NFIB: variants seen among roughly 807,000 people sequenced by gnomAD.
NFIB encodes nuclear factor I B.
In NFIB, 11 loss-of-function variants were observed where a neutral mutation model predicts 61.5. The ratio of observed to expected loss-of-function variants is 0.18; its 90% CI spans 0.11 to 0.30. The LOEUF (loss-of-function observed/expected upper bound fraction) is 0.30. NFIB is among the 10% of genes least tolerant of loss of function. NFIB has a pLI of 1.00. For missense variants in NFIB, 471 were observed against 608.9 expected (o/e 0.77, Z 2.38); for synonymous variants, 260 against 216.5 (o/e 1.20, Z -1.76).
At chr9:14,531,656 T>A in the NFIB span, among the ~76,000 whole-genome samples, 2 of 149,112 alleles carry the variant, frequency 1.3e-5, no homozygotes, top group African/African-American at 5.0e-5. Context: ...GCAGCCGGCC[T>A]GGGACCGACT....
chr9:14,162,172 G>T (rs1587177623), intron 3 of NFIB, among the ~76,000 whole-genome samples: 2 of 151,950 alleles, frequency 1.3e-5, no homozygotes, highest in African/African-American at 4.8e-5. Flanking sequence ...GTGCTAGCAG[G>T]AAATTTTTTT....
chr9:14,277,202 G>C (rs575101010), intron 2 of NFIB, among the ~76,000 whole-genome samples: 1 of 152,214 alleles, frequency 6.6e-6, no homozygotes, highest in Admixed American at 6.5e-5. Flanking sequence ...CTTATCTTTT[G>C]CTTTCTACAA....
At chr9:14,285,020 C>T (rs2058619505) in intron 2 of NFIB, among the ~76,000 whole-genome samples, 1 of 152,150 alleles carries the variant, frequency 6.6e-6, no homozygotes, top group South Asian at 2.1e-4. Flanking sequence ...AGAAAGACTG[C>T]TTAGTTTAAA....
chr9:14,440,818 T>C, the NFIB span, among the ~76,000 whole-genome samples: 3 of 152,216 alleles, frequency 2.0e-5, no homozygotes, highest in Non-Finnish European at 1.5e-5. Flanking sequence ...GGAACATTCA[T>C]TTATCCCCCT....
intron 7 of NFIB, among the ~76,000 whole-genome samples, chr9:14,125,052 T>C (rs557819981): frequency 1.3e-5 from 2 of 152,222 alleles, no homozygotes; most frequent in Non-Finnish European, 2.9e-5. Context: ...ATAATGAAGA[T>C]AGCTATGTAC....
chr9:14,526,252 A>C, the NFIB span, among the ~76,000 whole-genome samples: 15 of 152,316 alleles, frequency 9.8e-5, no homozygotes, highest in African/African-American at 2.4e-4. Flanking sequence ...GGGTAAAATT[A>C]ATGTTAGAAC....
the NFIB span, among the ~76,000 whole-genome samples, chr9:14,480,910 T>C: frequency 3.3e-5 from 5 of 152,028 alleles, no homozygotes; most frequent in African/African-American, 7.2e-5. Context: ...ACAAAAGAAG[T>C]TGAAAAATTT....
chr9:14,503,136 GTGTA>G, the NFIB span, among the ~76,000 whole-genome samples: 11 of 150,732 alleles, frequency 7.3e-5, no homozygotes, highest in East Asian at 3.9e-4. Flanking sequence ...GTGTGTGTGT[GTGTA>G]TATATATAAA....
the NFIB span, among the ~76,000 whole-genome samples, chr9:14,435,567 G>C: frequency 6.6e-6 from 1 of 152,152 alleles, no homozygotes; most frequent in Non-Finnish European, 1.5e-5. Flanking sequence ...CCTAAAATAG[G>C]TCTGTCACAT....
At chr9:14,216,440 C>T (rs1236986239) in intron 2 of NFIB, among the ~76,000 whole-genome samples, 1 of 151,862 alleles carries the variant, frequency 6.6e-6, no homozygotes, top group Non-Finnish European at 1.5e-5. Flanking sequence ...GGCAAGTGGG[C>T]TCTGCCAAGG....
chr9:14,138,072 G>C (rs1054323405), intron 6 of NFIB, among the ~76,000 whole-genome samples: 2 of 152,146 alleles, frequency 1.3e-5, no homozygotes, highest in Non-Finnish European at 2.9e-5. Flanking sequence ...TTCAGCAAGA[G>C]AGCCAGGGGT....
At chr9:14,129,021 T>C (rs2040057717) in intron 6 of NFIB, among the ~76,000 whole-genome samples, 1 of 152,208 alleles carries the variant, frequency 6.6e-6, no homozygotes, top group African/African-American at 2.4e-5. Flanking sequence ...CATTTATTTT[T>C]TCAATTCTTT....
chr9:14,258,060 T>C (rs2056397205), intron 2 of NFIB, among the ~76,000 whole-genome samples: 2 of 152,312 alleles, frequency 1.3e-5, no homozygotes, highest in South Asian at 2.1e-4. Flanking sequence ...TGGTCAAACA[T>C]TGAGTGTTCT....
At chr9:14,230,134 T>A (rs1389266640) in intron 2 of NFIB, among the ~76,000 whole-genome samples, 1 of 152,200 alleles carries the variant, frequency 6.6e-6, no homozygotes, top group East Asian at 1.9e-4. Context: ...TTAGTGGTAT[T>A]TTTAAGACAG....
chr9:14,322,096 A>T (rs1173663891), intron 1 of NFIB: 1 of 545,516 alleles, frequency 1.8e-6, no homozygotes, highest in Non-Finnish European at 2.5e-6. Flanking sequence ...AAAAAAAAAA[A>T]AAAAAAGCAA....
At chr9:14,429,632 A>C in the NFIB span, among the ~76,000 whole-genome samples, 1 of 152,180 alleles carries the variant, frequency 6.6e-6, no homozygotes, top group African/African-American at 2.4e-5. Flanking sequence ...GATCCTGTGG[A>C]TGAAATTGCA....
chr9:14,369,656 G>A (rs930585956), intron 1 of NFIB, among the ~76,000 whole-genome samples: 4 of 152,136 alleles, frequency 2.6e-5, no homozygotes, highest in African/African-American at 7.2e-5. Context: ...ACTCAAGTTA[G>A]AGATTTTGGA....
chr9:14,511,956 C>T, the NFIB span, among the ~76,000 whole-genome samples: 1 of 152,068 alleles, frequency 6.6e-6, no homozygotes, highest in Admixed American at 6.6e-5. Context: ...TTAATTGTGG[C>T]AAACCGATAT....
intron 8 of NFIB, among the ~76,000 whole-genome samples, chr9:14,118,603 A>G (rs1249307396): frequency 1.3e-5 from 2 of 152,052 alleles, no homozygotes; most frequent in Non-Finnish European, 2.9e-5. Flanking sequence ...AAAAATTTCT[A>G]TCTTTTAAGG....
Sources: gnomAD v4.1 joint callset for allele counts (sites outside exome capture counted in the v4.1 genomes callset) on GRCh38, gnomAD v4.1.1 for gene constraint, MANE v1.5 for transcripts, NCBI Gene and HGNC (gene_info 2026-07-23, HGNC 2026-07-21) for gene names.